Variants in MANBA observed in about 807,000 individuals in gnomAD.
MANBA encodes beta-mannosidase.
In MANBA, 83 loss-of-function variants were observed where a neutral mutation model predicts 111.1. That is an observed-to-expected ratio of 0.75 (90% CI 0.63 to 0.90). The LOEUF is 0.90. Among genes scored for constraint, MANBA ranks in the 40% least tolerant of loss-of-function variants. The pLI is 0.00. For missense variants in MANBA, 1,036 were observed against 1,069.0 expected, an observed-to-expected ratio of 0.97 and a Z score of 0.43; for synonymous variants, 370 against 378.7, an observed-to-expected ratio of 0.98 and a Z score of 0.27.
In MANBA at chr4:102,631,873, T is replaced by C. The variant is rs886058967; in HGVS notation, c.*184A>G. On this transcript the variant is annotated 3_prime_UTR_variant, in exon 17 of 17. Coordinates refer to ENST00000647097, the MANE Select transcript of MANBA (RefSeq NM_005908.4). ...CACAGGCTTGTTTGAGGACATTGCC[T>C]GGGTAAACAGCCTCCCCTGAAAGTG... is the stretch of plus-strand genomic sequence containing the variant. 4.6e-6 allele frequency: 3 copies of C among 658,422 alleles called. No homozygotes were observed. Among genetic ancestry groups the C allele is most frequent in the Admixed American group, 4.5e-5 (2 of 44,102 alleles). The allele number at this position is 658,422 out of a possible 1,614,324, so 40.8% of individuals were successfully genotyped here. A position where few individuals can be genotyped will look rare whatever the true frequency, so the allele number is the denominator to read the frequency against.
At chr4:102,685,494 T>C (rs1002621099) in intron 7 of MANBA, among the ~76,000 whole-genome samples, 5 of 151,830 alleles carry the variant, frequency 3.3e-5, no homozygotes, top group African/African-American at 4.8e-5. Flanking sequence ...TCCCATGTGT[T>C]ATCTTTCACC....
chr4:102,744,382 A>G (rs1000622588), intron 1 of MANBA, among the ~76,000 whole-genome samples: 1 of 152,202 alleles, frequency 6.6e-6, no homozygotes, highest in South Asian at 2.1e-4. Context: ...AATGTCATCA[A>G]TGTAATGGAC....
At chr4:102,733,778 T>A (rs575671904) in intron 1 of MANBA, among the ~76,000 whole-genome samples, 1 of 152,262 alleles carries the variant, frequency 6.6e-6, no homozygotes, top group Non-Finnish European at 1.5e-5. Context: ...TATTCTTCCA[T>A]GGCCCCATGA....
At chr4:102,679,155 T>G (rs1731852103) in intron 7 of MANBA, among the ~76,000 whole-genome samples, 1 of 152,166 alleles carries the variant, frequency 6.6e-6, no homozygotes, top group Admixed American at 6.6e-5. Context: ...GTCAAACAGG[T>G]CTGTGCAGGA....
At chr4:102,730,651 A>G in intron 1 of MANBA, 4 of 540,734 alleles carry the variant, frequency 7.4e-6, no homozygotes, top group South Asian at 5.5e-5. Flanking sequence ...CTCAGTAGTC[A>G]GCTCAGTGCT....
chr4:102,692,137 G>A (rs1732506352), intron 5 of MANBA, among the ~76,000 whole-genome samples: 1 of 152,192 alleles, frequency 6.6e-6, no homozygotes, highest in African/African-American at 2.4e-5. Context: ...TATAAGAATT[G>A]CTAAAGGTCC....
At chr4:102,643,856 C>T (rs955257162) in intron 13 of MANBA, among the ~76,000 whole-genome samples, 3 of 152,046 alleles carry the variant, frequency 2.0e-5, no homozygotes, top group East Asian at 1.9e-4. Context: ...TTCATTTTCT[C>T]GATAGCGTCT....
chr4:102,726,332 G>A (rs1722798487), intron 2 of MANBA, among the ~76,000 whole-genome samples: 1 of 152,092 alleles, frequency 6.6e-6, no homozygotes, highest in African/African-American at 2.4e-5. Context: ...CTGGAAAAAT[G>A]ACTCCATAAG....
intron 6 of MANBA, 142 bp downstream of exon 6, chr4:102,690,454 G>A: frequency 1.4e-6 from 1 of 719,974 alleles, no homozygotes; most frequent in Non-Finnish European, 2.3e-6. Flanking sequence ...AAATATATGA[G>A]AGACTAAAAT....
intron 1 of MANBA, chr4:102,727,478 T>A (rs79397241): frequency 5.3e-6 from 8 of 1,518,872 alleles, no homozygotes; most frequent in Middle Eastern, 1.7e-4. Flanking sequence ...AAGGTCCAGA[T>A]AACATGAGAA....
At chr4:102,748,816 G>A (rs1723679404) in intron 1 of MANBA, among the ~76,000 whole-genome samples, 1 of 152,114 alleles carries the variant, frequency 6.6e-6, no homozygotes, top group African/African-American at 2.4e-5. Context: ...GGGAGGCTGA[G>A]GCAGGAGAAT....
Position 102,760,831 on chromosome 4 carries a change from T to C in MANBA, c.64A>G (p.Ser22Gly). The C allele has an allele frequency of 6.4e-7, 1 of 1,569,696 alleles. No individual in the cohort carries two copies. The highest frequency in any genetic ancestry group is 1.2e-5 in the South Asian group (1 of 85,548). ...CGAGTTAAEL[S>G]YSLRGNWSIC... ...CTCCAGTTGCCACGCAAGCTGTAAC[T>C]GAGCTCCGCGGCGGTGGTGCCTGCA... The change falls in exon 1 of 17, where the codon AGT (serine) becomes GGT (glycine). Residue 22 changes from serine to glycine, a missense_variant. Ser to Gly is a moderately conservative substitution (Grantham distance 56). Transcript: ENST00000647097.
intron 1 of MANBA, among the ~76,000 whole-genome samples, chr4:102,758,596 T>C (rs2110216034): frequency 6.6e-6 from 1 of 150,938 alleles, no homozygotes. Context: ...GTTGCCCAGG[T>C]TGGAGTACAG....
At chr4:102,750,637 G>A (rs762977466) in intron 1 of MANBA, among the ~76,000 whole-genome samples, 23 of 152,324 alleles carry the variant, frequency 1.5e-4, no homozygotes, top group Non-Finnish European at 3.2e-4. Context: ...AGGGCGCCAG[G>A]AGCAGCGGTT....
At chr4:102,756,185 T>C (rs1424740311) in intron 1 of MANBA, among the ~76,000 whole-genome samples, 1 of 152,230 alleles carries the variant, frequency 6.6e-6, no homozygotes, top group Non-Finnish European at 1.5e-5. Context: ...GTATGTTTAC[T>C]GCAGCACTAT....
chr4:102,722,974 A>G lies in MANBA; in HGVS notation c.446T>C (p.Leu149Ser), dbSNP rs1280290452. 1 of 1,614,152 alleles carries G rather than the reference A, an allele frequency of 6.2e-7. No homozygotes were observed. The highest frequency in any genetic ancestry group is 1.7e-5 in the Admixed American group (1 of 60,024). ...SIELRFQSAV[L>S]YAAQQSKAHT... ...AGCTTTGCTCTGCTGTGCTGCATAC[A>G]ACACCGCTGACTGGAAACGCAGCTC... The change falls in exon 4 of 17, where the codon TTG becomes TCG. Residue 149 changes from leucine to serine, a missense_variant. Transcript: ENST00000647097.
chr4:102,670,955 G>T, intron 9 of MANBA: 1 of 162,036 alleles, frequency 6.2e-6, no homozygotes, highest in East Asian at 1.7e-4. Flanking sequence ...TTCTCTTTAG[G>T]TTTCGTCAGA....
intron 12 of MANBA, among the ~76,000 whole-genome samples, chr4:102,657,213 G>A: frequency 9.9e-6 from 1 of 101,000 alleles, no homozygotes; most frequent in African/African-American, 3.6e-5. Flanking sequence ...GGGAGAGAGA[G>A]GAGTGGGGTG....
intron 8 of MANBA, 94 bp downstream of exon 8, chr4:102,673,825 G>T (rs544053590): frequency 2.5e-6 from 3 of 1,182,686 alleles, no homozygotes; most frequent in African/African-American, 3.0e-5. Context: ...TTAGTTCCTT[G>T]CCCAGAGACT....
Sources: gnomAD v4.1 joint callset for allele counts (sites outside exome capture counted in the v4.1 genomes callset) on GRCh38, gnomAD v4.1.1 for gene constraint, MANE v1.5 for transcripts, NCBI Gene and HGNC (gene_info 2026-07-23, HGNC 2026-07-21) for gene names.